ATP8A2: variants seen among roughly 807,000 people sequenced by gnomAD.
ATP8A2 encodes phospholipid-transporting ATPase IB.
In ATP8A2, 100 loss-of-function variants were observed where a neutral mutation model predicts 165.6. The ratio of observed to expected loss-of-function variants is 0.60; its 90% CI spans 0.51 to 0.71. The LOEUF is 0.71. ATP8A2 is among the 30% of genes least tolerant of loss of function. The pLI, the probability that ATP8A2 is intolerant of heterozygous loss-of-function variation, is 0.00. For synonymous variants in ATP8A2, 543 were observed against 548.8 expected (o/e 0.99, Z 0.15); for missense variants, 1,227 against 1,479.5 (o/e 0.83, Z 2.80).
rs897087775 is a variant in ATP8A2, at chr13:25,481,143, G to A, written c.221+12022G>A. Among the ~76,000 whole-genome samples the A allele has an allele frequency of 5.5e-4, 82 of 149,268 alleles. 1 individual carries two copies. In the South Asian group the frequency reaches 0.015, roughly 27 times the overall value. On this transcript the variant is annotated intron_variant, in intron 2 of 36. Transcript: ENST00000381655. The stretch of plus-strand genomic sequence containing the variant: ...TTCGGCTCGGCATCAGAGGGAGACC[G>A]TGGAAAGAGAGGGAGAGGGAGACCG...
At chr13:25,642,636 C>A (rs985298662) in intron 24 of ATP8A2, among the ~76,000 whole-genome samples, 1 of 152,230 alleles carries the variant, frequency 6.6e-6, no homozygotes, top group Non-Finnish European at 1.5e-5. Context: ...GACTTTTACA[C>A]TGTTGTTGTT....
Position 25,862,391 on chromosome 13 carries a change from C to T in ATP8A2, c.3166C>T (p.Pro1056Ser). ...STIWPTIPIA[P>S]DMRGQATMVL... ...CATCTGGCCCACCATTCCCATTGCT[C>T]CAGATATGAGAGGACAGGTAAGTAC... The change falls in exon 33 of 37, where the codon CCA becomes TCA. Residue 1056 changes from proline to serine, a missense_variant. Physicochemically the swap from Pro to Ser is moderately conservative, Grantham distance 74. Coordinates refer to ENST00000381655, the MANE Select transcript of ATP8A2 (RefSeq NM_016529.6). 2.5e-6 allele frequency: 4 copies of T among 1,613,558 alleles called. No individual in the cohort carries two copies. The highest frequency in any genetic ancestry group is 3.4e-6 in the Non-Finnish European group (4 of 1,179,610).
intron 25 of ATP8A2, among the ~76,000 whole-genome samples, chr13:25,743,706 C>A (rs1228858895): frequency 1.2e-4 from 18 of 152,226 alleles, no homozygotes; most frequent in Non-Finnish European, 2.6e-4. Context: ...AGCAGCACCA[C>A]TGAAAGAGTA....
chr13:25,875,903 G>A (rs1273058263), intron 33 of ATP8A2, among the ~76,000 whole-genome samples: 2 of 152,212 alleles, frequency 1.3e-5, no homozygotes, highest in African/African-American at 4.8e-5. Context: ...TTCTCCGATA[G>A]TTTTATGATA....
intron 25 of ATP8A2, among the ~76,000 whole-genome samples, chr13:25,765,380 G>A (rs754867079): frequency 6.6e-6 from 1 of 152,140 alleles, no homozygotes; most frequent in Non-Finnish European, 1.5e-5. Flanking sequence ...ATTAAGTGTG[G>A]CATGTGACTC....
At chr13:25,963,036 C>A (rs966054499) in intron 34 of ATP8A2, among the ~76,000 whole-genome samples, 2 of 151,942 alleles carry the variant, frequency 1.3e-5, no homozygotes, top group African/African-American at 4.8e-5. Context: ...AATCAGAATC[C>A]TCAGAAATGA....
chr13:25,763,362 T>C (rs2044423342), intron 25 of ATP8A2, among the ~76,000 whole-genome samples: 1 of 152,172 alleles, frequency 6.6e-6, no homozygotes, highest in Non-Finnish European at 1.5e-5. Flanking sequence ...TTGTTGCATC[T>C]CTCTAAGGCA....
At chr13:25,471,415 A>G (rs866148272) in intron 2 of ATP8A2, among the ~76,000 whole-genome samples, 5 of 149,818 alleles carry the variant, frequency 3.3e-5, no homozygotes, top group Non-Finnish European at 5.9e-5. Context: ...CAGTGGTATG[A>G]TCTTGGCTCA....
chr13:25,442,625 G>A (rs533657003), intron 1 of ATP8A2, among the ~76,000 whole-genome samples: 19 of 152,190 alleles, frequency 1.2e-4, no homozygotes, highest in African/African-American at 2.9e-4. Context: ...TTGCTATGTC[G>A]TCCAGGCTGT....
chr13:25,451,637 A>C (rs2138239014), intron 1 of ATP8A2, among the ~76,000 whole-genome samples: 1 of 151,978 alleles, frequency 6.6e-6, no homozygotes, highest in Admixed American at 6.6e-5. Flanking sequence ...TTGTCTTTTA[A>C]GTTAGCTTAG....
chr13:25,562,257 C>G (rs1197695474), intron 15 of ATP8A2, among the ~76,000 whole-genome samples: 1 of 152,178 alleles, frequency 6.6e-6, no homozygotes, highest in East Asian at 1.9e-4. Flanking sequence ...AAGGGTTTCA[C>G]TTTCTCCACG....
At chr13:25,655,240 A>C (rs1333959758) in intron 24 of ATP8A2, among the ~76,000 whole-genome samples, 1 of 152,056 alleles carries the variant, frequency 6.6e-6, no homozygotes, top group Non-Finnish European at 1.5e-5. Flanking sequence ...GCTCACTGCA[A>C]CCTCCGCCTC....
intron 35 of ATP8A2, among the ~76,000 whole-genome samples, chr13:26,010,178 C>G (rs931753732): frequency 6.6e-6 from 1 of 152,238 alleles, no homozygotes; most frequent in Non-Finnish European, 1.5e-5. Context: ...CAGCAAAGCC[C>G]CATCTGACCT....
At chr13:25,525,507 T>C (rs76844801) in intron 2 of ATP8A2, among the ~76,000 whole-genome samples, 9,739 of 152,262 alleles carry the variant, frequency 0.064, 403 homozygotes, top group South Asian at 0.13. Flanking sequence ...ATGGTAAATT[T>C]TCTCAGCTTT....
In ATP8A2 at chr13:26,021,428, C is replaced by G. The variant is rs1957080610; in HGVS notation, c.*1443C>G. 6.6e-6 allele frequency: 1 copy of G among 152,240 alleles called. No homozygotes were observed. Among genetic ancestry groups the G allele is most frequent in the Admixed American group, 6.5e-5 (1 of 15,286 alleles). The allele number at this position is 152,240 out of a possible 1,614,324, so 9.4% of individuals were successfully genotyped here. A position where few individuals can be genotyped will look rare whatever the true frequency, so the allele number is the denominator to read the frequency against. ...AAAATATACTGACATGGTTTCCTTT[C>G]TGTATCCCATCAGTGTTAGACACAG... On this transcript the variant is annotated 3_prime_UTR_variant, in exon 37 of 37. Transcript: ENST00000381655.
intron 2 of ATP8A2, among the ~76,000 whole-genome samples, chr13:25,519,374 AT>A (rs144981491): frequency 1.5e-4 from 22 of 147,166 alleles, no homozygotes; most frequent in South Asian, 4.3e-4. Flanking sequence ...TATGTGTTCT[AT>A]TTTTTTTTTA....
At chr13:25,887,158 AG>A (rs1953184577) in intron 33 of ATP8A2, among the ~76,000 whole-genome samples, 1 of 152,120 alleles carries the variant, frequency 6.6e-6, no homozygotes, top group African/African-American at 2.4e-5. Flanking sequence ...GCTTCTGCTA[AG>A]TGTCTGGGGT....
intron 24 of ATP8A2, among the ~76,000 whole-genome samples, chr13:25,599,338 A>C (rs1053409169): frequency 7.2e-5 from 11 of 152,038 alleles, no homozygotes; most frequent in African/African-American, 2.7e-4. Context: ...CCTGAATCAC[A>C]ATTTGGGAAG....
At position 25,762,268 on chromosome 13, in the gene ATP8A2, C is replaced by CAAAAAAAAAAAAA. The variant is rs59081934; in HGVS notation, c.2385-6762_2385-6750dup. Among the ~76,000 whole-genome samples the CAAAAAAAAAAAAA allele has an allele frequency of 2.9e-4, 12 of 41,310 alleles. 3 individuals are homozygous for CAAAAAAAAAAAAA. The highest frequency in any genetic ancestry group is 5.5e-4 in the Admixed American group (1 of 1,812). 27.1% of individuals were successfully genotyped at this position (41,310 alleles called of 152,430 possible). A position where few individuals can be genotyped will look rare whatever the true frequency, so the allele number is the denominator to read the frequency against. ...TGGGTGATGGAGTGAGACTCTGTCTCAAAAAAAAAAAAAAAAAAAAAAAAA... is the reference window on the plus strand; with the variant it reads ...TGGGTGATGGAGTGAGACTCTGTCTCAAAAAAAAAAAAAAAAAAAAAAAAAAAAAAAAAAAAAA... On this transcript the variant is annotated intron_variant, in intron 25 of 36. Coordinates refer to ENST00000381655, the MANE Select transcript of ATP8A2 (RefSeq NM_016529.6).
Sources: gnomAD v4.1 joint callset for allele counts (sites outside exome capture counted in the v4.1 genomes callset) on GRCh38, gnomAD v4.1.1 for gene constraint, MANE v1.5 for transcripts, NCBI Gene and HGNC (gene_info 2026-07-23, HGNC 2026-07-21) for gene names.